PATJ: variants seen among roughly 807,000 people sequenced by gnomAD.
PATJ encodes inaD-like protein.
PATJ carries 190 observed loss-of-function variants against 224.9 expected under a neutral mutation model. The ratio of observed to expected loss-of-function variants is 0.84; its 90% confidence interval spans 0.75 to 0.95. PATJ has a LOEUF of 0.95. PATJ is among the 40% of genes least tolerant of loss of function. The pLI, the probability that PATJ is intolerant of heterozygous loss-of-function variation, is 0.00. For synonymous variants in PATJ, 769 were observed against 820.3 expected (o/e 0.94, Z 1.07); for missense variants, 2,121 against 2,270.3 (o/e 0.93, Z 1.34).
At chr1:61,976,057 G>C (rs1644111793) in intron 27 of PATJ, among the ~76,000 whole-genome samples, 1 of 151,906 alleles carries the variant, frequency 6.6e-6, no homozygotes, top group South Asian at 2.1e-4. Flanking sequence ...CCCTCTTCAA[G>C]TCATCCTGTG....
intron 31 of PATJ, among the ~76,000 whole-genome samples, chr1:62,073,626 C>A (rs1657805680): frequency 6.6e-6 from 1 of 151,878 alleles, no homozygotes; most frequent in African/African-American, 2.4e-5. Flanking sequence ...GAGTGAGACG[C>A]TGTCTTTAAA....
chr1:62,105,543 C>T (rs1161221212), intron 33 of PATJ, among the ~76,000 whole-genome samples: 1 of 152,164 alleles, frequency 6.6e-6, no homozygotes, highest in African/African-American at 2.4e-5. Flanking sequence ...GCCACTGACC[C>T]CGCAAGTTTC....
At chr1:62,030,300 C>T (rs1648969557) in intron 29 of PATJ, among the ~76,000 whole-genome samples, 1 of 152,168 alleles carries the variant, frequency 6.6e-6, no homozygotes, top group African/African-American at 2.4e-5. Context: ...TGTTAGTGTG[C>T]TTTGGCTTTG....
At chr1:62,139,960 A>G (rs756903333) in intron 41 of PATJ, among the ~76,000 whole-genome samples, 19 of 151,918 alleles carry the variant, frequency 1.3e-4, no homozygotes, top group East Asian at 1.9e-4. Flanking sequence ...GGGTCTCACC[A>G]TGTTGCTCAG....
rs1669907852 is a variant in PATJ at position 62,162,475 on chromosome 1, T to C, written c.*1421T>C. 6.6e-6 allele frequency: 1 copy of C among 152,260 alleles called. No homozygotes were observed. The highest frequency in any genetic ancestry group is 2.4e-5 in the African/African-American group (1 of 41,470). The allele number at this position is 152,260 out of a possible 1,614,324, so 9.4% of individuals were successfully genotyped here. On this transcript the variant is annotated 3_prime_UTR_variant, in exon 44 of 44. Coordinates refer to ENST00000642238, the MANE Select transcript of PATJ (RefSeq NM_001350145.3). ...CCTAGGAATATGTGATGAAAATGCA[T>C]GGCTGATGTTTCCTGATCTCCAAGG...
chr1:61,796,659 TTTC>T (rs1651177223), intron 10 of PATJ, among the ~76,000 whole-genome samples: 1 of 48,988 alleles, frequency 2.0e-5, no homozygotes, highest in Non-Finnish European at 4.5e-5. Flanking sequence ...CTAAATTTAT[TTTC>T]TTTCTTTCTT....
At chr1:62,031,911 G>A (rs61775657) in intron 29 of PATJ, among the ~76,000 whole-genome samples, 20,181 of 152,148 alleles carry the variant, frequency 0.13, 1,572 homozygotes, top group Middle Eastern at 0.26. Flanking sequence ...CCTGGTAAGC[G>A]GTCAAATGTT....
intron 22 of PATJ, among the ~76,000 whole-genome samples, chr1:61,892,470 C>T (rs911649496): frequency 2.0e-5 from 3 of 152,122 alleles, no homozygotes; most frequent in African/African-American, 4.8e-5. Context: ...TTAATATCCA[C>T]TTGTTTGCTC....
intron 43 of PATJ, among the ~76,000 whole-genome samples, chr1:62,160,187 C>T (rs545046813): frequency 6.6e-5 from 10 of 152,066 alleles, no homozygotes; most frequent in East Asian, 1.9e-4. Flanking sequence ...CTAGTAATAT[C>T]GTGGCATTTT....
chr1:62,071,490 C>T (rs1470456994), intron 31 of PATJ, among the ~76,000 whole-genome samples: 6 of 117,724 alleles, frequency 5.1e-5, no homozygotes, highest in South Asian at 2.8e-4. Flanking sequence ...TTGTAGATCA[C>T]TTTTTTTTTT....
chr1:61,938,193 G>A (rs866524475), intron 27 of PATJ, among the ~76,000 whole-genome samples: 1 of 152,168 alleles, frequency 6.6e-6, no homozygotes, highest in Non-Finnish European at 1.5e-5. Flanking sequence ...AACCAAAAAC[G>A]TTTCTGCACC....
At chr1:61,828,354 C>A (rs539133181) in intron 16 of PATJ, among the ~76,000 whole-genome samples, 2 of 151,166 alleles carry the variant, frequency 1.3e-5, no homozygotes, top group African/African-American at 4.9e-5. Flanking sequence ...GCTCTTGGTA[C>A]TCCTTATTTA....
rs57927761 is a variant in PATJ, at chr1:61,840,648, C to T, written c.2112+6863C>T. 1.8e-3 allele frequency among the ~76,000 whole-genome samples: 272 copies of T among 151,820 alleles called. 1 individual carries two copies. The highest frequency in any genetic ancestry group is 6.4e-3 in the African/African-American group (264 of 41,430). On this transcript the variant is annotated intron_variant, in intron 17 of 43. Transcript: ENST00000642238. ...ACATAGTATTTTTATTGTTGATGTA[C>T]AATAATTTATTTCATCAGCCTCCTG...
intron 10 of PATJ, 34 bp downstream of exon 10, chr1:61,795,592 T>C: frequency 7.7e-7 from 1 of 1,305,052 alleles, no homozygotes; most frequent in East Asian, 2.3e-5. Context: ...GGTTTGATTC[T>C]AGTTGAAAAA....
chr1:61,865,870 C>A (rs1665345846), intron 20 of PATJ, among the ~76,000 whole-genome samples: 1 of 152,196 alleles, frequency 6.6e-6, no homozygotes, highest in Admixed American at 6.5e-5. Context: ...GAGGGTGTTT[C>A]TGCCCTTGCC....
intron 28 of PATJ, among the ~76,000 whole-genome samples, chr1:61,992,076 G>A (rs939010085): frequency 2.6e-5 from 4 of 151,070 alleles, no homozygotes; most frequent in Admixed American, 6.6e-5. Context: ...TCCAAGACCC[G>A]TGTTACAGCC....
At chr1:61,868,370 A>G (rs1032169272) in intron 20 of PATJ, among the ~76,000 whole-genome samples, 6 of 152,220 alleles carry the variant, frequency 3.9e-5, no homozygotes, top group Non-Finnish European at 8.8e-5. Context: ...GAATTTGACT[A>G]TACTAAAGCA....
At chr1:61,916,592 G>A (rs967265383) in intron 26 of PATJ, among the ~76,000 whole-genome samples, 1 of 152,154 alleles carries the variant, frequency 6.6e-6, no homozygotes, top group Non-Finnish European at 1.5e-5. Context: ...ATGATGTACT[G>A]TAGGTATTTG....
intron 27 of PATJ, among the ~76,000 whole-genome samples, chr1:61,974,064 A>G (rs1233078040): frequency 1.3e-5 from 2 of 151,554 alleles, no homozygotes; most frequent in Admixed American, 1.3e-4. Flanking sequence ...TATGACATGG[A>G]TCCCAGACAC....
Sources: gnomAD v4.1 joint callset for allele counts (sites outside exome capture counted in the v4.1 genomes callset) on GRCh38, gnomAD v4.1.1 for gene constraint, MANE v1.5 for transcripts, NCBI Gene and HGNC (gene_info 2026-07-23, HGNC 2026-07-21) for gene names.